The following RGS20 variants were observed in gnomAD, a reference collection of about 807,000 sequenced individuals.
The protein encoded by RGS20 is regulator of G protein signaling 20.
A neutral mutation model predicts 33.6 loss-of-function variants in RGS20; 30 were observed. The ratio of observed to expected loss-of-function variants is 0.89; its 90% CI spans 0.67 to 1.21. The LOEUF is 1.21. Among genes scored for constraint, RGS20 ranks in the 50% most tolerant of loss-of-function variants. The pLI, the probability that RGS20 is intolerant of heterozygous loss-of-function variation, is 0.00. For missense variants in RGS20, 472 were observed against 502.4 expected (o/e 0.94, Z 0.58); for synonymous variants, 208 against 197.9 (o/e 1.05, Z -0.43).
intron 4 of RGS20, among the ~76,000 whole-genome samples, chr8:53,953,796 A>T (rs1277945497): frequency 6.6e-6 from 1 of 152,144 alleles, no homozygotes; most frequent in Non-Finnish European, 1.5e-5. Flanking sequence ...ATATTTCAAG[A>T]TGTGCCCATT....
intron 2 of RGS20, among the ~76,000 whole-genome samples, chr8:53,917,803 C>A (rs1403936033): frequency 1.3e-5 from 2 of 152,146 alleles, no homozygotes; most frequent in African/African-American, 4.8e-5. Context: ...AGTATACTTA[C>A]AAAGTTGTGC....
intron 1 of RGS20, among the ~76,000 whole-genome samples, chr8:53,866,197 G>A (rs568035243): frequency 4.6e-5 from 7 of 152,226 alleles, no homozygotes; most frequent in South Asian, 4.1e-4. Context: ...TTTTAGGAAC[G>A]GAAGGAACAT....
intron 4 of RGS20, among the ~76,000 whole-genome samples, chr8:53,948,155 ATATT>A (rs1335454809): frequency 2.2e-5 from 3 of 134,092 alleles, no homozygotes; most frequent in South Asian, 2.3e-4. Context: ...TATAGTATAT[ATATT>A]TATATATGCT....
chr8:53,865,172 C>T (rs2129269258), intron 1 of RGS20, among the ~76,000 whole-genome samples: 1 of 152,352 alleles, frequency 6.6e-6, no homozygotes, highest in Non-Finnish European at 1.5e-5. Context: ...ACAATGTCTT[C>T]CCTGTTCTTG....
rs772987393 is a variant in RGS20 at position 53,954,116 on chromosome 8, T to C, written c.784T>C (p.Ser262Pro). The C allele has an allele frequency of 6.2e-7, 1 of 1,614,110 alleles. No individual in the cohort carries two copies. ...GGAAGAAGTCAACGCCTGGGCTCAG[T>C]CATTTGACAAATTAATGGTCACTCC... Residue 262 changes from serine to proline, a missense_variant, in exon 5 of 6, where the codon TCA becomes CCA. This residue lies in a region of RGS20 where 125 missense variants were observed against 169.5 expected (regional missense o/e 0.74). Transcript: ENST00000297313.
chr8:53,909,209 GTATATATATATATATATATA>G lies in RGS20; in HGVS notation c.510+29634_510+29653del, dbSNP rs1178436696. 1.7e-3 allele frequency among the ~76,000 whole-genome samples: 74 copies of G among 43,734 alleles called. No homozygotes were observed. In the East Asian group the frequency reaches 0.021, roughly 13 times the overall value. The allele number at this position is 43,734 out of a possible 152,430, so 28.7% of individuals were successfully genotyped here. On this transcript the variant is annotated intron_variant, in intron 2 of 5. Transcript: ENST00000297313. ...CTCTATTATCCATTATGGTATGTGT[GTATATATATATATATATATA>G]TATATATATATATATATATATATAT...
At chr8:53,879,157 C>T (rs1812274001) in intron 1 of RGS20, 1 of 948,132 alleles carries the variant, frequency 1.1e-6, no homozygotes, top group Non-Finnish European at 1.6e-6. Flanking sequence ...CTCTTGCACC[C>T]CCAAAGTAAC....
chr8:53,952,822 A>C (rs1484046209), intron 4 of RGS20, among the ~76,000 whole-genome samples: 1 of 152,232 alleles, frequency 6.6e-6, no homozygotes, highest in Non-Finnish European at 1.5e-5. Context: ...AGAGATATTA[A>C]GGATCATTAT....
chr8:53,918,792 T>C (rs1417547530), intron 2 of RGS20, among the ~76,000 whole-genome samples: 1 of 152,228 alleles, frequency 6.6e-6, no homozygotes, highest in Non-Finnish European at 1.5e-5. Context: ...ATATCATATT[T>C]TGTTTATCCA....
chr8:53,951,569 AT>A (rs1814708918), intron 4 of RGS20, among the ~76,000 whole-genome samples: 1 of 152,176 alleles, frequency 6.6e-6, no homozygotes, highest in Admixed American at 6.5e-5. Flanking sequence ...AAAAACTTGG[AT>A]TTAAACATTT....
chr8:53,874,579 C>T (rs1812155457), intron 1 of RGS20, among the ~76,000 whole-genome samples: 1 of 152,178 alleles, frequency 6.6e-6, no homozygotes, highest in Admixed American at 6.5e-5. Context: ...CAGGACAGGA[C>T]AGAACAGTTG....
At position 53,879,444 on chromosome 8, in the gene RGS20, A is replaced by G; in HGVS notation, c.352A>G (p.Arg118Gly). ...CGCCCTGCCGGCCGCCCGGCTCTCG[A>G]GGGGGCACGAGGAGCTGCCGGGCCG... The change falls in exon 2 of 6, where the codon AGG becomes GGG. Residue 118 changes from arginine (R) to glycine (G), a missense_variant. Around this residue, in one of 3 missense-constraint regions of RGS20, gnomAD observed 319 missense variants for 283.4 expected, o/e 1.13. Transcript: ENST00000297313. The G allele has an allele frequency of 6.3e-7, 1 of 1,599,102 alleles. No homozygotes were observed. Among genetic ancestry groups the G allele is most frequent in the Non-Finnish European group, 8.5e-7 (1 of 1,174,278 alleles).
In RGS20 at chr8:53,896,052, G is replaced by A. The variant is rs1041800256; in HGVS notation, c.510+16450G>A. Among the ~76,000 whole-genome samples the A allele has an allele frequency of 2.6e-5, 4 of 152,122 alleles. No individual in the cohort carries two copies. In the South Asian group the frequency reaches 6.2e-4, roughly 24 times the overall value. Reference sequence around the variant, plus strand: ...TCCCAGCACTTTGGGAGGCCAAAGCGAGAGAATCTCTTGAGGTTGGGAGTT... The same window carrying A: ...TCCCAGCACTTTGGGAGGCCAAAGCAAGAGAATCTCTTGAGGTTGGGAGTT... On this transcript the variant is annotated intron_variant, in intron 2 of 5. Transcript: ENST00000297313.
intron 3 of RGS20, among the ~76,000 whole-genome samples, chr8:53,944,121 A>G (rs1023429060): frequency 6.6e-6 from 1 of 152,218 alleles, no homozygotes; most frequent in Non-Finnish European, 1.5e-5. Context: ...AAAATACAGT[A>G]GCAACAAGAT....
chr8:53,944,748 G>A (rs575536717), intron 3 of RGS20, among the ~76,000 whole-genome samples: 132 of 152,220 alleles, frequency 8.7e-4, no homozygotes, highest in African/African-American at 2.9e-3. Flanking sequence ...GTCTTAAAAT[G>A]AAGAACACTT....
intron 2 of RGS20, among the ~76,000 whole-genome samples, chr8:53,907,122 T>C (rs960523512): frequency 5.9e-5 from 9 of 152,152 alleles, no homozygotes; most frequent in Admixed American, 2.6e-4. Flanking sequence ...GGAGAAGCAA[T>C]GGAGCTAAGT....
At chr8:53,910,252 G>T (rs1346019188) in intron 2 of RGS20, among the ~76,000 whole-genome samples, 1 of 152,110 alleles carries the variant, frequency 6.6e-6, no homozygotes, top group Non-Finnish European at 1.5e-5. Flanking sequence ...TGGTATTTGA[G>T]GGGCTCTTGC....
chr8:53,855,061 A>C (rs1276643026), intron 1 of RGS20, among the ~76,000 whole-genome samples: 1 of 152,130 alleles, frequency 6.6e-6, no homozygotes, highest in Non-Finnish European at 1.5e-5. Context: ...GATTCTATAT[A>C]AGCCACTCTT....
At chr8:53,955,520 T>G (rs924662412) in intron 5 of RGS20, among the ~76,000 whole-genome samples, 1 of 152,086 alleles carries the variant, frequency 6.6e-6, no homozygotes, top group Non-Finnish European at 1.5e-5. Flanking sequence ...GTGTTTCAGT[T>G]TCTTCAAATC....
Sources: allele counts gnomAD v4.1 joint callset (sites outside exome capture counted in the v4.1 genomes callset), GRCh38; gene constraint gnomAD v4.1.1; regional missense constraint gnomAD v4.1.1; transcripts MANE v1.5; gene names NCBI Gene and HGNC (gene_info 2026-07-23, HGNC 2026-07-21).